STK32B: variants seen among roughly 807,000 people sequenced by gnomAD.
The protein encoded by STK32B is serine/threonine-protein kinase 32B.
In STK32B, 43 loss-of-function variants were observed where a neutral mutation model predicts 52.6. The ratio of observed to expected loss-of-function variants is 0.82; its 90% CI spans 0.64 to 1.05. STK32B has a LOEUF of 1.05. Among genes scored for constraint, STK32B ranks in the 50% least tolerant of loss-of-function variants. The pLI, the probability that STK32B is intolerant of heterozygous loss-of-function variation, is 0.00. For synonymous variants in STK32B, 238 were observed against 204.3 expected (o/e 1.17, Z -1.41); for missense variants, 621 against 534.6 (o/e 1.16, Z -1.59).
chr4:5,452,536 C>A (rs1488469235), intron 7 of STK32B, among the ~76,000 whole-genome samples: 1 of 152,168 alleles, frequency 6.6e-6, no homozygotes, highest in Non-Finnish European at 1.5e-5. Context: ...TAGGACCCTG[C>A]AGAGATGATT....
intron 4 of STK32B, among the ~76,000 whole-genome samples, chr4:5,385,417 GT>G (rs1375985686): frequency 1.3e-5 from 2 of 150,832 alleles, no homozygotes; most frequent in Non-Finnish European, 3.0e-5. Flanking sequence ...TGGTCCCAAG[GT>G]GGGTGACCAT....
chr4:5,131,715 A>C (rs1449589796), intron 1 of STK32B, among the ~76,000 whole-genome samples: 9 of 152,148 alleles, frequency 5.9e-5, no homozygotes, highest in African/African-American at 2.2e-4. Context: ...TCCTCATATC[A>C]GCATGGCATC....
chr4:5,459,282 G>GC (rs55688341), intron 8 of STK32B, among the ~76,000 whole-genome samples: 15,085 of 131,472 alleles, frequency 0.11, 1,629 homozygotes, highest in East Asian at 0.29. Flanking sequence ...ACCCTGGTGT[G>GC]CCCCCCCCCC....
At chr4:5,032,290 G>A in the STK32B span, among the ~76,000 whole-genome samples, 3 of 151,384 alleles carry the variant, frequency 2.0e-5, no homozygotes, top group Non-Finnish European at 2.9e-5. Flanking sequence ...TCTGGACAAC[G>A]TGGTGAAACC....
intron 3 of STK32B, among the ~76,000 whole-genome samples, chr4:5,173,918 A>G (rs895336143): frequency 5.9e-5 from 9 of 152,144 alleles, no homozygotes; most frequent in East Asian, 1.9e-4. Context: ...AAAGTCTCCT[A>G]TTATTATGGT....
chr4:5,455,080 C>T (rs1716376791), intron 7 of STK32B, among the ~76,000 whole-genome samples: 1 of 152,196 alleles, frequency 6.6e-6, no homozygotes, highest in African/African-American at 2.4e-5. Context: ...AAAAAAAGCT[C>T]CCTTCTGGGT....
intron 1 of STK32B, among the ~76,000 whole-genome samples, chr4:5,103,324 G>T (rs1365582169): frequency 6.6e-6 from 1 of 151,946 alleles, no homozygotes; most frequent in Non-Finnish European, 1.5e-5. Flanking sequence ...AGCTTACCTT[G>T]AGCATTTCCA....
chr4:5,045,538 T>A, the STK32B span, among the ~76,000 whole-genome samples: 1 of 152,204 alleles, frequency 6.6e-6, no homozygotes, highest in Non-Finnish European at 1.5e-5. Flanking sequence ...ATTCTTCCTA[T>A]CCATGATGAT....
chr4:5,493,469 T>C (rs1474466330), intron 11 of STK32B, among the ~76,000 whole-genome samples: 1 of 152,210 alleles, frequency 6.6e-6, no homozygotes, highest in African/African-American at 2.4e-5. Context: ...TCTTCTCTCT[T>C]TTCTTCTTTA....
In STK32B at chr4:5,470,448, G is replaced by C. The variant is rs941943502; in HGVS notation, c.1106+2378G>C. Reference sequence around the variant, plus strand: ...AGCATGGCTATGGGGGAAGCTGTTGGCTGAGGTCTGAGCTGTAGTTCTTCT... The same window carrying C: ...AGCATGGCTATGGGGGAAGCTGTTGCCTGAGGTCTGAGCTGTAGTTCTTCT... On this transcript the variant is annotated intron_variant, in intron 11 of 11. Coordinates refer to ENST00000282908, the MANE Select transcript of STK32B (RefSeq NM_018401.3). This position sits in a 1 kb window ranked among gnomAD's most constrained non-coding sequence, Gnocchi z 4.6. 9.2e-5 allele frequency among the ~76,000 whole-genome samples: 14 copies of C among 152,294 alleles called. No homozygotes were observed. Among genetic ancestry groups the C allele is most frequent in the Non-Finnish European group, 1.9e-4 (13 of 68,034 alleles).
intron 4 of STK32B, among the ~76,000 whole-genome samples, chr4:5,333,893 T>G (rs1732447653): frequency 6.6e-6 from 1 of 152,228 alleles, no homozygotes; most frequent in Non-Finnish European, 1.5e-5. Context: ...GTAGTATAGT[T>G]TGAAGTCAGG....
At chr4:5,258,297 C>T (rs935543866) in intron 3 of STK32B, among the ~76,000 whole-genome samples, 5 of 152,184 alleles carry the variant, frequency 3.3e-5, no homozygotes, top group African/African-American at 4.8e-5. Flanking sequence ...CCCATGTGCC[C>T]TTACAGTACA....
chr4:5,197,009 G>C (rs994303249), intron 3 of STK32B, among the ~76,000 whole-genome samples: 1 of 152,104 alleles, frequency 6.6e-6, no homozygotes, highest in African/African-American at 2.4e-5. Flanking sequence ...GACCTCAGTT[G>C]GTTTCTTCCA....
At chr4:5,136,919 C>T (rs1052668321) in intron 1 of STK32B, among the ~76,000 whole-genome samples, 5 of 152,186 alleles carry the variant, frequency 3.3e-5, no homozygotes, top group Non-Finnish European at 7.3e-5. Flanking sequence ...AGCAGACAAG[C>T]ATTCATTAAG....
intron 2 of STK32B, among the ~76,000 whole-genome samples, chr4:5,157,935 A>G (rs1717998279): frequency 6.6e-6 from 1 of 152,190 alleles, no homozygotes; most frequent in Non-Finnish European, 1.5e-5. Flanking sequence ...TCATGCAGAC[A>G]TCTTCATGAA....
intron 3 of STK32B, among the ~76,000 whole-genome samples, chr4:5,181,744 T>G (rs114688075): frequency 0.028 from 4,319 of 152,360 alleles, 86 homozygotes; most frequent in Admixed American, 0.046. Flanking sequence ...TTGCTAAAAA[T>G]GCTAATGATT....
chr4:5,182,505 A>C (rs1050697381), intron 3 of STK32B, among the ~76,000 whole-genome samples: 1 of 151,186 alleles, frequency 6.6e-6, no homozygotes, highest in Admixed American at 6.6e-5. Flanking sequence ...ACTGTTGCCC[A>C]GGGTGGAGTG....
intron 3 of STK32B, among the ~76,000 whole-genome samples, chr4:5,226,423 T>C (rs1723877464): frequency 2.0e-5 from 3 of 152,160 alleles, no homozygotes; most frequent in African/African-American, 7.2e-5. Flanking sequence ...TCCAAAAACA[T>C]TAAATGAAAA....
chr4:5,328,171 G>A (rs1357141333), intron 3 of STK32B, among the ~76,000 whole-genome samples: 3 of 152,206 alleles, frequency 2.0e-5, no homozygotes, highest in Non-Finnish European at 2.9e-5. Flanking sequence ...TAGCTGATTT[G>A]ATCTTCTGTC....
Sources: gnomAD v4.1 joint callset for allele counts (sites outside exome capture counted in the v4.1 genomes callset) on GRCh38, gnomAD v4.1.1 for gene constraint, Gnocchi (gnomAD v3.1) non-coding constraint, MANE v1.5 for transcripts, NCBI Gene and HGNC (gene_info 2026-07-23, HGNC 2026-07-21) for gene names.